The following FLNB variants were observed in gnomAD, a reference collection of about 807,000 sequenced individuals.
FLNB encodes filamin B.
FLNB carries 111 observed loss-of-function variants against 250.6 expected under a neutral mutation model. That is an observed-to-expected ratio of 0.44 (90% confidence interval 0.38 to 0.52). The LOEUF is 0.52. FLNB is among the 20% of genes least tolerant of loss of function. The pLI, the probability that FLNB is intolerant of heterozygous loss-of-function variation, is 0.00. For synonymous variants in FLNB, 1,302 were observed against 1,372.1 expected (o/e 0.95, Z 1.13); for missense variants, 2,869 against 3,447.8 (o/e 0.83, Z 4.20).
rs1054755870 is a variant in FLNB at position 58,123,609 on chromosome 3, C to T, written c.3643C>T (p.His1215Tyr). ...TMKYGGELVPHFPARVKVEPA... is the reference protein window; with the variant it reads ...TMKYGGELVPYFPARVKVEPA... ...GAAGTATGGTGGCGAACTCGTGCCA[C>T]ACTTCCCCGCCCGGGTCAAGGTGGA... The change falls in exon 21 of 46, where the codon CAC (histidine) becomes TAC (tyrosine). Residue 1215 changes from histidine to tyrosine, a missense_variant. Physicochemically the swap from His to Tyr is moderately conservative, Grantham distance 83. Around this residue, in one of 5 missense-constraint regions of FLNB, gnomAD observed 1,348 missense variants for 1,466.7 expected, o/e 0.92. Transcript: ENST00000295956. 5.0e-5 allele frequency: 81 copies of T among 1,612,020 alleles called. No individual in the cohort carries two copies. The highest frequency in any genetic ancestry group is 6.8e-5 in the Non-Finnish European group (80 of 1,179,854).
At chr3:58,076,729 G>C (rs1446377691) in intron 1 of FLNB, among the ~76,000 whole-genome samples, 1 of 151,832 alleles carries the variant, frequency 6.6e-6, no homozygotes, top group Non-Finnish European at 1.5e-5. Flanking sequence ...CAAAAGTGCT[G>C]GGGTTACAGG....
chr3:58,111,012 G>A (rs766915276), intron 16 of FLNB, among the ~76,000 whole-genome samples: 5 of 152,220 alleles, frequency 3.3e-5, no homozygotes, highest in Non-Finnish European at 5.9e-5. Flanking sequence ...GTGAGGCAGT[G>A]TGTTCAGTGG....
chr3:58,081,809 ACATGT>A, intron 4 of FLNB, 33 bp downstream of exon 4: 3 of 1,611,902 alleles, frequency 1.9e-6, no homozygotes, highest in Non-Finnish European at 2.5e-6. Context: ...TGTATTGGAG[ACATGT>A]CCTCTGGTGT....
At chr3:58,170,241 A>G (rs1173791566) in intron 45 of FLNB, among the ~76,000 whole-genome samples, 1 of 152,188 alleles carries the variant, frequency 6.6e-6, no homozygotes, top group African/African-American at 2.4e-5. Context: ...AATAGCCCTT[A>G]CTGTGTGCTA....
At chr3:58,034,657 A>G (rs909477711) in intron 1 of FLNB, among the ~76,000 whole-genome samples, 3 of 152,226 alleles carry the variant, frequency 2.0e-5, no homozygotes, top group Non-Finnish European at 4.4e-5. Flanking sequence ...GTTCCAAGTC[A>G]TGGGAAACCT....
chr3:58,084,835 C>T lies in FLNB; in HGVS notation c.787+3059C>T, dbSNP rs2097214911. 3.3e-5 allele frequency among the ~76,000 whole-genome samples: 5 copies of T among 152,108 alleles called. No homozygotes were observed. The South Asian group carries it at 1.0e-3, about 32-fold the overall frequency. On this transcript the variant is annotated intron_variant, in intron 4 of 45. Transcript: ENST00000295956. ...TCTATGAATTTGCTTATTCTAGGGACCTCCTAGAAGTGAAATCATATGCTG... is the reference window on the plus strand; with the variant it reads ...TCTATGAATTTGCTTATTCTAGGGATCTCCTAGAAGTGAAATCATATGCTG...
At chr3:58,059,895 C>A (rs188119149) in intron 1 of FLNB, among the ~76,000 whole-genome samples, 115 of 152,332 alleles carry the variant, frequency 7.5e-4, no homozygotes, top group Non-Finnish European at 1.3e-3. Context: ...CCGTTTGGGT[C>A]TCCAGGGTGA....
intron 1 of FLNB, among the ~76,000 whole-genome samples, chr3:58,024,920 C>A (rs540799751): frequency 1.3e-5 from 2 of 150,424 alleles, no homozygotes; most frequent in Non-Finnish European, 3.0e-5. Flanking sequence ...ATCATATTGG[C>A]CAGGATGGTC....
At chr3:58,067,628 G>A (rs1380330459) in intron 1 of FLNB, among the ~76,000 whole-genome samples, 2 of 140,100 alleles carry the variant, frequency 1.4e-5, no homozygotes, top group Non-Finnish European at 3.0e-5. Flanking sequence ...ACAGAATCTC[G>A]CTCTGTCGCC....
At chr3:58,026,898 T>C (rs1406577263) in intron 1 of FLNB, among the ~76,000 whole-genome samples, 1 of 152,242 alleles carries the variant, frequency 6.6e-6, no homozygotes, top group East Asian at 1.9e-4. Flanking sequence ...CAGATCTTTA[T>C]GTTTTAATGA....
intron 1 of FLNB, among the ~76,000 whole-genome samples, chr3:58,015,402 G>A (rs1328294364): frequency 6.6e-6 from 1 of 152,192 alleles, no homozygotes; most frequent in Non-Finnish European, 1.5e-5. Context: ...CATCTGGTGT[G>A]TTAGCTGTTC....
intron 25 of FLNB, chr3:58,131,920 AT>A: frequency 6.5e-7 from 1 of 1,535,148 alleles, no homozygotes; most frequent in South Asian, 1.2e-5. Context: ...CAGCCTTTTG[AT>A]TTTAGCTGAC....
chr3:58,165,956 A>C (rs746579047), intron 43 of FLNB: 9 of 152,076 alleles, frequency 5.9e-5, no homozygotes, highest in Non-Finnish European at 1.2e-4. Flanking sequence ...GGCAGTGGTG[A>C]GAGACTTCTG....
intron 16 of FLNB, 70 bp from the exon 17 acceptor site, chr3:58,111,721 T>C: frequency 1.6e-5 from 18 of 1,127,300 alleles, no homozygotes; most frequent in Middle Eastern, 1.9e-4. Flanking sequence ...GTTCACCCTT[T>C]GTTGAAGGCT....
At chr3:58,094,338 G>A (rs867338654) in intron 4 of FLNB, among the ~76,000 whole-genome samples, 25 of 152,216 alleles carry the variant, frequency 1.6e-4, no homozygotes, top group African/African-American at 4.6e-4. Context: ...AAAGTGCTGG[G>A]ATTACAGGCA....
At chr3:58,079,822 C>T (rs1312988409) in intron 3 of FLNB, among the ~76,000 whole-genome samples, 3 of 152,282 alleles carry the variant, frequency 2.0e-5, no homozygotes, top group Admixed American at 6.5e-5. Context: ...GGGAAGATTG[C>T]AGGTAGCCAG....
chr3:58,113,599 A>G (rs953838036), intron 18 of FLNB, among the ~76,000 whole-genome samples: 15 of 152,158 alleles, frequency 9.9e-5, no homozygotes, highest in African/African-American at 3.4e-4. Context: ...GGGCGAAGGG[A>G]TTCTGTGTGT....
At chr3:58,060,157 G>A (rs1428050560) in intron 1 of FLNB, among the ~76,000 whole-genome samples, 1 of 152,214 alleles carries the variant, frequency 6.6e-6, no homozygotes. Flanking sequence ...TAGGGTGCAA[G>A]TGAACGGGGG....
intron 29 of FLNB, among the ~76,000 whole-genome samples, chr3:58,139,497 G>T (rs758441482): frequency 1.2e-4 from 19 of 152,148 alleles, no homozygotes; most frequent in Non-Finnish European, 2.2e-4. Context: ...AAACTCCAAA[G>T]CTCAGGGACT....
Sources: allele counts gnomAD v4.1 joint callset (sites outside exome capture counted in the v4.1 genomes callset), GRCh38; gene constraint gnomAD v4.1.1; regional missense constraint gnomAD v4.1.1; transcripts MANE v1.5; gene names NCBI Gene and HGNC (gene_info 2026-07-23, HGNC 2026-07-21).